Variants in NCOA4 observed in about 807,000 individuals in gnomAD.
NCOA4 encodes 70 kDa AR-activator.
In NCOA4, 31 loss-of-function variants were observed where a neutral mutation model predicts 69.5. The ratio of observed to expected loss-of-function variants is 0.45; its 90% confidence interval spans 0.34 to 0.60. The LOEUF (loss-of-function observed/expected upper bound fraction) is 0.60. Ranked by LOEUF, NCOA4 falls within the 20% of genes least tolerant of loss-of-function variation. The pLI is 0.02. For synonymous variants in NCOA4, 228 were observed against 252.4 expected (o/e 0.90, Z 0.92); for missense variants, 600 against 719.2 (o/e 0.83, Z 1.90).
intron 1 of NCOA4, among the ~76,000 whole-genome samples, chr10:46,018,317 G>A (rs578114137): frequency 6.6e-6 from 1 of 152,268 alleles, no homozygotes; most frequent in South Asian, 2.1e-4. Context: ...CTTTAATTAG[G>A]GAGGGCAAGG....
At chr10:46,007,911 G>C (rs1336890807) in intron 9 of NCOA4, among the ~76,000 whole-genome samples, 2 of 152,114 alleles carry the variant, frequency 1.3e-5, no homozygotes, top group Non-Finnish European at 2.9e-5. Context: ...GTTGAAGCCA[G>C]TGCTTCAATC....
At chr10:46,024,251 A>C (rs1410939620) in intron 1 of NCOA4, among the ~76,000 whole-genome samples, 1 of 152,236 alleles carries the variant, frequency 6.6e-6, no homozygotes, top group Non-Finnish European at 1.5e-5. Context: ...TGAATGACTA[A>C]AGTTACAATT....
chr10:46,006,672 C>T lies in NCOA4; in HGVS notation c.1840-75G>A, dbSNP rs1453664976. On this transcript the variant is annotated intron_variant, in intron 9 of 9. Transcript: ENST00000581486. The stretch of plus-strand genomic sequence containing the variant: ...GCAAATTTTCCCTGCCTTAAAGCTC[C>T]GACTCATTTCCCAATACAGGTATAC... The T allele has an allele frequency of 2.5e-5, 36 of 1,413,298 alleles. 1 individual carries two copies. Among genetic ancestry groups the T allele is most frequent in the South Asian group, 1.0e-4 (9 of 86,878 alleles). 87.5% of individuals were successfully genotyped at this position (1,413,298 alleles called of 1,614,324 possible). A position where few individuals can be genotyped will look rare whatever the true frequency, so the allele number is the denominator to read the frequency against.
chr10:46,018,749 T>C (rs1554923809), intron 1 of NCOA4, among the ~76,000 whole-genome samples: 1 of 152,198 alleles, frequency 6.6e-6, no homozygotes, highest in Non-Finnish European at 1.5e-5. Flanking sequence ...ATATATCAAA[T>C]AACTTCCTAA....
chr10:46,029,931 G>A (rs1439352935), intron 1 of NCOA4, among the ~76,000 whole-genome samples: 2 of 152,142 alleles, frequency 1.3e-5, no homozygotes, highest in Non-Finnish European at 2.9e-5. Flanking sequence ...CTTCTCAGCT[G>A]TAAAACAGAG....
At chr10:46,026,280 ATAAG>A (rs1294426777) in intron 1 of NCOA4, among the ~76,000 whole-genome samples, 2 of 152,214 alleles carry the variant, frequency 1.3e-5, no homozygotes, top group African/African-American at 4.8e-5. Flanking sequence ...TGATCCCAGA[ATAAG>A]TGCTGAGATA....
chr10:46,016,522 GA>G lies in NCOA4; in HGVS notation c.141+17del. On this transcript the variant is annotated intron_variant, in intron 2 of 9. Coordinates refer to ENST00000581486, the MANE Select transcript of NCOA4 (RefSeq NM_001145263.2). ...TGTCAAGAGTCCAGACAACAGAAGA[GA>G]AAAGCACATGTCACACCTCTCGCAA... The G allele has an allele frequency of 1.4e-6, 2 of 1,451,196 alleles. No homozygotes were observed. Among genetic ancestry groups the G allele is most frequent in the Non-Finnish European group, 1.8e-6 (2 of 1,084,992 alleles). 89.9% of individuals were successfully genotyped at this position (1,451,196 alleles called of 1,614,324 possible).
chr10:46,014,571 A>G lies in NCOA4; in HGVS notation c.372-19T>C, dbSNP rs1554922613. The stretch of plus-strand genomic sequence containing the variant: ...GCCCAGTCTGGGGAAAAAAAAACAA[A>G]ATTGGCTATTTTTAAGGAATATCTG... On this transcript the variant is annotated intron_variant, in intron 4 of 9. Transcript: ENST00000581486. The G allele has an allele frequency of 6.5e-7, 1 of 1,548,360 alleles. No homozygotes were observed. Among genetic ancestry groups the G allele is most frequent in the East Asian group, 2.2e-5 (1 of 44,544 alleles).
At chr10:46,013,100 T>C in intron 6 of NCOA4, 74 bp from the exon 7 acceptor site, 1 of 1,488,288 alleles carries the variant, frequency 6.7e-7, no homozygotes, top group Non-Finnish European at 9.3e-7. Flanking sequence ...CACTCTCTAA[T>C]CTTGGCTTGC....
In NCOA4 at chr10:46,030,616, C is replaced by T. The variant is rs1327621709; in HGVS notation, c.-105G>A. ...TAACCTACGGCCCAAAGGCAGAGTT[C>T]TCGCGACAACACAATCTTCCTCCCA... On this transcript the variant is annotated 5_prime_UTR_variant, in exon 1 of 10. Coordinates refer to ENST00000581486, the MANE Select transcript of NCOA4 (RefSeq NM_001145263.2). The T allele has an allele frequency of 6.6e-6, 1 of 152,304 alleles. No individual in the cohort carries two copies. The highest frequency in any genetic ancestry group is 1.5e-5 in the Non-Finnish European group (1 of 68,108). The allele number at this position is 152,304 out of a possible 1,614,324, so 9.4% of individuals were successfully genotyped here. A position where few individuals can be genotyped will look rare whatever the true frequency, so the allele number is the denominator to read the frequency against.
intron 1 of NCOA4, among the ~76,000 whole-genome samples, chr10:46,023,767 A>G (rs1348776999): frequency 2.0e-5 from 3 of 152,276 alleles, no homozygotes; most frequent in Non-Finnish European, 2.9e-5. Context: ...ACATGAATTA[A>G]AATGTTTAGG....
rs781842178 is a variant in NCOA4 at position 46,019,412 on chromosome 10, A to T, written c.-14-2718T>A. 2.4e-4 allele frequency: 238 copies of T among 985,318 alleles called. 1 individual carries two copies. Among genetic ancestry groups the T allele is most frequent in the Non-Finnish European group, 2.8e-4 (234 of 829,942 alleles). 61.0% of individuals were successfully genotyped at this position (985,318 alleles called of 1,614,324 possible). A position where few individuals can be genotyped will look rare whatever the true frequency, so the allele number is the denominator to read the frequency against. On this transcript the variant is annotated intron_variant, in intron 1 of 9. Coordinates refer to ENST00000581486, the MANE Select transcript of NCOA4 (RefSeq NM_001145263.2). ...TTTGCACTTAGGCCAGTCATGCAAG[A>T]CCTGTTTAGCAGTCTTTCAAATGTG... is the stretch of plus-strand genomic sequence containing the variant.
At chr10:46,009,318 T>C (rs1839055586) in intron 9 of NCOA4, 93 bp downstream of exon 9, 1 of 1,505,648 alleles carries the variant, frequency 6.6e-7, no homozygotes, top group African/African-American at 1.4e-5. Flanking sequence ...AGGGATATGG[T>C]TCAGTGAGCC....
chr10:46,015,006 C>T (rs1554922786), intron 3 of NCOA4, 64 bp from the exon 4 acceptor site: 5 of 1,580,088 alleles, frequency 3.2e-6, no homozygotes, highest in African/African-American at 2.7e-5. Flanking sequence ...ACTCAAGTTA[C>T]CAAACAGCAC....
Position 46,007,581 on chromosome 10 carries a change from C to CTTTTTTT in NCOA4, c.1840-991_1840-985dup, listed in dbSNP as rs71026287. On this transcript the variant is annotated intron_variant, in intron 9 of 9. Coordinates refer to ENST00000581486, the MANE Select transcript of NCOA4 (RefSeq NM_001145263.2). Reference sequence around the variant, plus strand: ...TTAGGGACTAACACAGCCAGTGACTCTTTTTTTTTTTTTTTTTTTTTTTTT... The same window carrying CTTTTTTT: ...TTAGGGACTAACACAGCCAGTGACTCTTTTTTTTTTTTTTTTTTTTTTTTTTTTTTTT... Among the ~76,000 whole-genome samples, 3 of 85,476 alleles carry CTTTTTTT rather than the reference C, an allele frequency of 3.5e-5. 1 individual carries two copies. The highest frequency in any genetic ancestry group is 9.8e-5 in the African/African-American group (2 of 20,310). The allele number at this position is 85,476 out of a possible 152,430, so 56.1% of individuals were successfully genotyped here.
chr10:46,011,245 T>G (rs200492539), intron 7 of NCOA4, 39 bp from the exon 8 acceptor site: 1 of 1,531,138 alleles, frequency 6.5e-7, no homozygotes, highest in Non-Finnish European at 8.8e-7. Flanking sequence ...GCCAGAACAA[T>G]TATGACTGCT....
At chr10:46,019,236 G>T in intron 1 of NCOA4, 1 of 773,840 alleles carries the variant, frequency 1.3e-6, no homozygotes, top group Non-Finnish European at 1.6e-6. Flanking sequence ...TTACTTTGCA[G>T]CCTCCTTTTG....
intron 7 of NCOA4, 76 bp downstream of exon 7, chr10:46,012,807 A>G (rs1398163980): frequency 8.9e-6 from 13 of 1,464,398 alleles, no homozygotes; most frequent in Non-Finnish European, 1.2e-5. Flanking sequence ...TAACAATGAC[A>G]CATAGTACTA....
intron 7 of NCOA4, 152 bp downstream of exon 7, chr10:46,012,731 A>G: frequency 1.4e-6 from 1 of 729,292 alleles, no homozygotes; most frequent in Non-Finnish European, 1.9e-6. Flanking sequence ...AGAGTTCCTT[A>G]TTTTCTAAAC....
Sources: allele counts gnomAD v4.1 joint callset (sites outside exome capture counted in the v4.1 genomes callset), GRCh38; gene constraint gnomAD v4.1.1; transcripts MANE v1.5; gene names NCBI Gene and HGNC (gene_info 2026-07-23, HGNC 2026-07-21).